TRPM3: variants seen among roughly 807,000 people sequenced by gnomAD.
TRPM3 encodes long transient receptor potential channel 3.
Under a neutral mutation model 181.2 loss-of-function variants are expected in TRPM3, and 77 were observed. The observed-to-expected ratio is 0.42, with a 90% confidence interval of 0.35 to 0.51. The LOEUF is 0.51. Among genes scored for constraint, TRPM3 ranks in the 20% least tolerant of loss-of-function variants. TRPM3 has a pLI of 0.01. For missense variants in TRPM3, 1,759 were observed against 2,196.7 expected (o/e 0.80, Z 3.98); for synonymous variants, 745 against 796.4 (o/e 0.94, Z 1.09).
At chr9:71,432,460 A>G (rs2093972497) in intron 1 of TRPM3, among the ~76,000 whole-genome samples, 1 of 149,836 alleles carries the variant, frequency 6.7e-6, no homozygotes, top group African/African-American at 2.5e-5. Context: ...AGTGCATTCT[A>G]TAGTTACATT....
At chr9:70,877,765 T>C (rs752511197) in intron 1 of TRPM3, among the ~76,000 whole-genome samples, 4 of 150,598 alleles carry the variant, frequency 2.7e-5, no homozygotes, top group Non-Finnish European at 5.9e-5. Context: ...TGATACCTTG[T>C]TTTCCGTTGG....
chr9:70,901,381 TA>T (rs1243560281), intron 1 of TRPM3, among the ~76,000 whole-genome samples: 3 of 152,140 alleles, frequency 2.0e-5, no homozygotes, highest in Non-Finnish European at 2.9e-5. Context: ...GCACACATTC[TA>T]AAGGCATATT....
chr9:71,282,078 AAGGAAAGAAAGAG>A (rs2084765011), intron 1 of TRPM3, among the ~76,000 whole-genome samples: 1 of 46,654 alleles, frequency 2.1e-5, no homozygotes, highest in Non-Finnish European at 4.5e-5. Flanking sequence ...AAAGGAAAGA[AAGGAAAGAAAGAG>A]AGAAAGAAAG....
intron 8 of TRPM3, among the ~76,000 whole-genome samples, chr9:70,700,850 T>G (rs916488589): frequency 1.5e-4 from 23 of 152,314 alleles, no homozygotes; most frequent in African/African-American, 5.3e-4. Flanking sequence ...CTGGGCAATG[T>G]TAAACGTGCT....
rs1420845734 is a variant in TRPM3 at position 70,656,848 on chromosome 9, C to G, written c.1346-16188G>C. Among the ~76,000 whole-genome samples, 3 of 151,350 alleles carry G rather than the reference C, an allele frequency of 2.0e-5. No homozygotes were observed. In the East Asian group the frequency reaches 5.8e-4, roughly 29 times the overall value. ...TGAACAATTTTTGTATCATTCAAAG[C>G]TTATTTAAAGGTTATGTATAAAACA... On this transcript the variant is annotated intron_variant, in intron 9 of 25. Transcript: ENST00000677713.
chr9:70,803,455 T>TC (rs936045551), intron 6 of TRPM3, among the ~76,000 whole-genome samples: 20 of 148,052 alleles, frequency 1.4e-4, no homozygotes, highest in African/African-American at 4.7e-4. Flanking sequence ...TTTGTTGTTT[T>TC]TTTTTTTTTT....
At chr9:70,846,302 A>T in intron 4 of TRPM3, 76 bp downstream of exon 4, 1 of 1,396,160 alleles carries the variant, frequency 7.2e-7, no homozygotes, top group South Asian at 1.2e-5. Flanking sequence ...AGAAATAATT[A>T]ATCTTAGCAG....
chr9:71,108,380 C>T (rs976341065), intron 1 of TRPM3, among the ~76,000 whole-genome samples: 3 of 152,096 alleles, frequency 2.0e-5, no homozygotes, highest in Non-Finnish European at 4.4e-5. Flanking sequence ...AAGCACTGTG[C>T]CTGCATCCTT....
At chr9:70,859,016 C>T (rs2095458043) in intron 3 of TRPM3, among the ~76,000 whole-genome samples, 1 of 152,082 alleles carries the variant, frequency 6.6e-6, no homozygotes, top group Non-Finnish European at 1.5e-5. Context: ...CAAAACCATG[C>T]TGTGCTTCAT....
intron 3 of TRPM3, among the ~76,000 whole-genome samples, chr9:70,859,469 A>T (rs2095471615): frequency 6.6e-6 from 1 of 152,206 alleles, no homozygotes; most frequent in Admixed American, 6.5e-5. Context: ...GTCATGTAGG[A>T]ATAACAATAC....
intron 1 of TRPM3, among the ~76,000 whole-genome samples, chr9:71,400,893 A>C (rs2093327308): frequency 6.6e-6 from 1 of 152,120 alleles, no homozygotes. Context: ...GTAAAACCAA[A>C]CACACATTTA....
At chr9:70,593,836 T>C (rs1341062321) in intron 21 of TRPM3, among the ~76,000 whole-genome samples, 2 of 147,722 alleles carry the variant, frequency 1.4e-5, no homozygotes, top group South Asian at 2.1e-4. Context: ...CAGAGGAGAG[T>C]ATATAATATA....
intron 12 of TRPM3, among the ~76,000 whole-genome samples, chr9:70,632,179 C>G (rs143197297): frequency 5.5e-4 from 83 of 152,214 alleles, no homozygotes; most frequent in African/African-American, 1.5e-3. Flanking sequence ...AGCATTTTAA[C>G]TCTAGTTTTG....
chr9:71,028,425 C>G (rs2056858788), intron 1 of TRPM3, among the ~76,000 whole-genome samples: 1 of 152,116 alleles, frequency 6.6e-6, no homozygotes, highest in Non-Finnish European at 1.5e-5. Context: ...TAACAAAGAG[C>G]TAACAGCATG....
At chr9:70,772,006 AAAATATCT>A (rs1726006636) in intron 7 of TRPM3, among the ~76,000 whole-genome samples, 1 of 152,172 alleles carries the variant, frequency 6.6e-6, no homozygotes. Context: ...AGGTGTTCAA[AAAATATCT>A]ATCGAATGAC....
rs766392067 is a variant in TRPM3, at chr9:70,625,436, A to G, written c.1668+46T>C. 6.3e-7 allele frequency: 1 copy of G among 1,590,314 alleles called. No individual in the cohort carries two copies. Among genetic ancestry groups the G allele is most frequent in the South Asian group, 1.2e-5 (1 of 85,566 alleles). ...AACTAGAGTAAAAAAAAAATAATGA[A>G]AAAAGAAACATATGAATGTATTATT... On this transcript the variant is annotated intron_variant, in intron 13 of 25. Coordinates refer to ENST00000677713, the MANE Select transcript of TRPM3 (RefSeq NM_001366145.2). The surrounding 1 kb of genome is among the most constrained non-coding windows in gnomAD (Gnocchi z 4.8).
intron 1 of TRPM3, among the ~76,000 whole-genome samples, chr9:71,119,275 T>C (rs1238347982): frequency 2.0e-5 from 3 of 152,046 alleles, no homozygotes; most frequent in African/African-American, 4.8e-5. Flanking sequence ...ATTGAAAAAA[T>C]GGGAAGGACA....
At chr9:70,846,161 T>A (rs1386705446) in intron 4 of TRPM3, among the ~76,000 whole-genome samples, 1 of 152,222 alleles carries the variant, frequency 6.6e-6, no homozygotes, top group Non-Finnish European at 1.5e-5. Context: ...CTATTAAATA[T>A]CCCAACCCAT....
chr9:71,119,028 A>T (rs1479607969), intron 1 of TRPM3, among the ~76,000 whole-genome samples: 1 of 152,210 alleles, frequency 6.6e-6, no homozygotes. Flanking sequence ...AACAATCCAT[A>T]GGAAAAAAAT....
Sources: gnomAD v4.1 joint callset for allele counts (sites outside exome capture counted in the v4.1 genomes callset) on GRCh38, gnomAD v4.1.1 for gene constraint, Gnocchi (gnomAD v3.1) non-coding constraint, MANE v1.5 for transcripts, NCBI Gene and HGNC (gene_info 2026-07-23, HGNC 2026-07-21) for gene names.